Variants in SYN2 observed in about 807,000 individuals in gnomAD.
SYN2 encodes the protein synapsin II, also known as synapsin-2.
Under a neutral mutation model 50.9 loss-of-function variants are expected in SYN2, and 19 were observed. The observed-to-expected ratio is 0.37, with a 90% CI of 0.26 to 0.55. The LOEUF is 0.55. SYN2 is among the 20% of genes least tolerant of loss of function. The pLI is 0.81. For synonymous variants in SYN2, 255 were observed against 224.9 expected (o/e 1.13, Z -1.20); for missense variants, 587 against 576.4 (o/e 1.02, Z -0.19).
chr3:12,119,758 C>T (rs888802522), intron 1 of SYN2, among the ~76,000 whole-genome samples: 1 of 152,258 alleles, frequency 6.6e-6, no homozygotes, highest in East Asian at 1.9e-4. Context: ...TCCTTAGCTG[C>T]CTATTTCTTG....
chr3:12,039,081 G>A (rs1361610340), intron 1 of SYN2, among the ~76,000 whole-genome samples: 1 of 152,076 alleles, frequency 6.6e-6, no homozygotes, highest in Non-Finnish European at 1.5e-5. Context: ...AGTTTCCTTT[G>A]ATTTCTAGGT....
chr3:12,071,172 G>A (rs1447933468), intron 1 of SYN2: 2 of 551,976 alleles, frequency 3.6e-6, no homozygotes, highest in African/African-American at 3.8e-5. Context: ...TCACCAACAG[G>A]ATGCAGAAGG....
At chr3:12,045,927 T>A (rs1694728391) in intron 1 of SYN2, among the ~76,000 whole-genome samples, 1 of 152,214 alleles carries the variant, frequency 6.6e-6, no homozygotes, top group African/African-American at 2.4e-5. Context: ...AGCATGGGAT[T>A]TGGAGTCAGC....
intron 1 of SYN2, among the ~76,000 whole-genome samples, chr3:12,115,707 C>T (rs766732699): frequency 6.6e-6 from 1 of 152,054 alleles, no homozygotes; most frequent in Non-Finnish European, 1.5e-5. Context: ...TTTTGCCTCC[C>T]TAAATTTACA....
intron 1 of SYN2, among the ~76,000 whole-genome samples, chr3:12,063,552 C>T (rs1023668337): frequency 6.6e-6 from 1 of 151,952 alleles, no homozygotes; most frequent in African/African-American, 2.4e-5. Context: ...CACAGATAAA[C>T]ATGGGAAAAG....
At chr3:12,090,753 T>C (rs1000898792) in intron 1 of SYN2, among the ~76,000 whole-genome samples, 4 of 152,148 alleles carry the variant, frequency 2.6e-5, no homozygotes, top group Non-Finnish European at 5.9e-5. Context: ...GTCGTGATGC[T>C]TTATCTGATT....
At chr3:12,017,378 A>G (rs146868963) in intron 1 of SYN2, among the ~76,000 whole-genome samples, 3 of 152,336 alleles carry the variant, frequency 2.0e-5, no homozygotes, top group Admixed American at 6.5e-5. Context: ...TGAGGAAACT[A>G]TAGCTCACAG....
Position 12,161,555 on chromosome 3 carries a change from C to G in SYN2, c.784C>G (p.Pro262Ala), listed in dbSNP as rs765878222. The G allele has an allele frequency of 1.5e-5, 25 of 1,613,994 alleles. No homozygotes were observed. Among genetic ancestry groups the G allele is most frequent in the Non-Finnish European group, 1.9e-5 (23 of 1,179,892 alleles). Residue 262 changes from proline to alanine, a missense_variant, in exon 6 of 13, where the codon CCC (proline) becomes GCC (alanine). Transcript: ENST00000621198. Reference sequence around the variant, plus strand: ...TCTCTTCTGATTTCAGCTGACACTGCCCACGTTCCCTGTGGTGGTGAAGAT... The same window carrying G: ...TCTCTTCTGATTTCAGCTGACACTGGCCACGTTCCCTGTGGTGGTGAAGAT... ...YPNHKEMLTLPTFPVVVKIGH... is the reference protein window; with the variant it reads ...YPNHKEMLTLATFPVVVKIGH...
chr3:12,103,315 T>A (rs546896139), intron 1 of SYN2, among the ~76,000 whole-genome samples: 1 of 152,094 alleles, frequency 6.6e-6, no homozygotes, highest in Non-Finnish European at 1.5e-5. Flanking sequence ...AAATCTAAGA[T>A]GTAAAAAAGA....
chr3:12,095,069 C>A (rs1233717405), intron 1 of SYN2, among the ~76,000 whole-genome samples: 3 of 152,120 alleles, frequency 2.0e-5, no homozygotes, highest in African/African-American at 7.2e-5. Flanking sequence ...AGAACTTCAA[C>A]ACCAGCAGAC....
intron 1 of SYN2, among the ~76,000 whole-genome samples, chr3:12,099,964 C>CAAAAAAAAA (rs1413918070): frequency 7.9e-4 from 6 of 7,580 alleles, no homozygotes; most frequent in Non-Finnish European, 7.4e-4. Context: ...GACTCTGTCT[C>CAAAAAAAAA]AAAAAAAAAA....
chr3:12,157,072 T>C, intron 5 of SYN2: 1 of 654,900 alleles, frequency 1.5e-6, no homozygotes, highest in Non-Finnish European at 2.6e-6. Context: ...CAGATGTCCC[T>C]ACTGGGTTAT....
chr3:12,139,657 A>C (rs936689858), intron 1 of SYN2, among the ~76,000 whole-genome samples: 1 of 152,226 alleles, frequency 6.6e-6, no homozygotes. Context: ...CATGATGCCC[A>C]ATAAATATTG....
chr3:12,044,181 T>TCTCTCTCTCACA (rs573246278), intron 1 of SYN2, among the ~76,000 whole-genome samples: 752 of 53,252 alleles, frequency 0.014, 3 homozygotes, highest in African/African-American at 0.027. Flanking sequence ...TCTCTCTCTC[T>TCTCTCTCTCACA]CACACACACA....
intron 1 of SYN2, among the ~76,000 whole-genome samples, chr3:12,129,227 C>T (rs756036175): frequency 3.0e-4 from 46 of 152,010 alleles, no homozygotes; most frequent in Admixed American, 1.5e-3. Context: ...AATATGTGAG[C>T]TGAGACTTAC....
intron 1 of SYN2, among the ~76,000 whole-genome samples, chr3:12,056,310 G>A (rs533623851): frequency 1.1e-3 from 175 of 152,208 alleles, no homozygotes; most frequent in Middle Eastern, 3.4e-3. Context: ...CTGGGACTGG[G>A]TATTGAAGTT....
At position 12,187,567 on chromosome 3, in the gene SYN2, C is replaced by T. The variant is rs1197984026; in HGVS notation, c.1568C>T (p.Pro523Leu). Residue 523 changes from proline (P) to leucine (L), a missense_variant, in exon 12 of 13, where the codon CCC becomes CTC. Pro to Leu is a moderately conservative substitution (Grantham distance 98). Transcript: ENST00000621198. ...AGCTCCCTGGCAGAGGCCCAGCCAC[C>T]CCTGGCTGCTCCACCACAGAAGCCC... is the stretch of plus-strand genomic sequence containing the variant. Reference protein sequence around the residue: ...SSSSLAEAQPPLAAPPQKPQP... With the variant: ...SSSSLAEAQPLLAAPPQKPQP... 2.6e-6 allele frequency: 4 copies of T among 1,552,096 alleles called. No homozygotes were observed. The highest frequency in any genetic ancestry group is 3.5e-6 in the Non-Finnish European group (4 of 1,147,042).
At chr3:12,148,554 C>A (rs1209063894) in intron 4 of SYN2, 1 of 152,218 alleles carries the variant, frequency 6.6e-6, no homozygotes, top group Non-Finnish European at 1.5e-5. Flanking sequence ...TGTCTCTGAG[C>A]ACATTGCTGT....
At chr3:12,150,428 C>T (rs1030325440) in intron 4 of SYN2, among the ~76,000 whole-genome samples, 2 of 152,202 alleles carry the variant, frequency 1.3e-5, no homozygotes, top group African/African-American at 4.8e-5. Context: ...TGCTGTGAAC[C>T]TGGCTCAACT....
Sources: allele counts gnomAD v4.1 joint callset (sites outside exome capture counted in the v4.1 genomes callset), GRCh38; gene constraint gnomAD v4.1.1; transcripts MANE v1.5; gene names NCBI Gene and HGNC (gene_info 2026-07-23, HGNC 2026-07-21).